ZFHX3: variants seen among roughly 807,000 people sequenced by gnomAD.
ZFHX3 encodes zinc finger homeobox protein 3.
Under a neutral mutation model 279.1 loss-of-function variants are expected in ZFHX3, and 42 were observed. The ratio of observed to expected loss-of-function variants is 0.15; its 90% CI spans 0.12 to 0.19. The LOEUF is 0.19. ZFHX3 is among the 10% of genes least tolerant of loss of function. The probability of loss-of-function intolerance (pLI) is 1.00; values close to 1 mark genes in which losing one functional copy is unlikely to be tolerated. For missense variants in ZFHX3, 4,981 were observed against 4,754.0 expected, an observed-to-expected ratio of 1.05 and a Z score of -1.40; for synonymous variants, 2,293 against 1,957.8, an observed-to-expected ratio of 1.17 and a Z score of -4.52.
intron 7 of ZFHX3, among the ~76,000 whole-genome samples, chr16:73,101,592 G>A (rs1054295810): frequency 6.6e-6 from 1 of 151,822 alleles, no homozygotes; most frequent in Non-Finnish European, 1.5e-5. Flanking sequence ...AGTAGAGGTG[G>A]GGTTTCACCA....
chr16:73,447,220 G>A (rs1231063042), intron 3 of ZFHX3, among the ~76,000 whole-genome samples: 1 of 150,880 alleles, frequency 6.6e-6, no homozygotes. Flanking sequence ...AAACCTCTCT[G>A]CTCCAACATC....
chr16:73,127,488 G>T (rs1246536349), intron 7 of ZFHX3: 2 of 1,305,326 alleles, frequency 1.5e-6, no homozygotes, highest in Admixed American at 2.3e-5. Flanking sequence ...CAAGATCACT[G>T]GTCCCTGGTG....
chr16:73,349,035 A>G (rs2016173669), intron 3 of ZFHX3, among the ~76,000 whole-genome samples: 1 of 152,200 alleles, frequency 6.6e-6, no homozygotes, highest in South Asian at 2.1e-4. Flanking sequence ...TGTGTGTCTC[A>G]GCCTTCTTTT....
chr16:73,465,890 G>A (rs1047775990), intron 2 of ZFHX3, among the ~76,000 whole-genome samples: 1 of 152,146 alleles, frequency 6.6e-6, no homozygotes, highest in African/African-American at 2.4e-5. Context: ...CTAGGAGGCC[G>A]TGACAGTAAG....
chr16:73,083,093 C>T (rs752160375), intron 8 of ZFHX3, among the ~76,000 whole-genome samples: 2 of 151,428 alleles, frequency 1.3e-5, no homozygotes, highest in Non-Finnish European at 2.9e-5. Context: ...ATCCCAGCTA[C>T]TTGGGAGGCT....
intron 5 of ZFHX3, among the ~76,000 whole-genome samples, chr16:73,202,356 A>C (rs1187459875): frequency 6.6e-6 from 1 of 152,234 alleles, no homozygotes; most frequent in Non-Finnish European, 1.5e-5. Context: ...AAAATAGAAT[A>C]CCAATCAAAA....
chr16:73,374,869 G>C (rs576303848), intron 3 of ZFHX3, among the ~76,000 whole-genome samples: 3 of 152,326 alleles, frequency 2.0e-5, no homozygotes, highest in African/African-American at 7.2e-5. Context: ...TTGGTGATTA[G>C]ATCCAATGGC....
chr16:73,442,009 G>GAGT (rs1567485286), intron 3 of ZFHX3, among the ~76,000 whole-genome samples: 1 of 152,128 alleles, frequency 6.6e-6, no homozygotes, highest in African/African-American at 2.4e-5. Context: ...ACTCTTAACA[G>GAGT]GACTCCAGGT....
intron 5 of ZFHX3, among the ~76,000 whole-genome samples, chr16:73,189,420 G>A: frequency 6.6e-6 from 1 of 152,162 alleles, no homozygotes; most frequent in East Asian, 1.9e-4. Context: ...GCCTGACATA[G>A]CAATAACAAA....
intron 1 of ZFHX3, among the ~76,000 whole-genome samples, chr16:73,844,907 A>T (rs1203077015): frequency 6.6e-6 from 1 of 151,932 alleles, no homozygotes; most frequent in Admixed American, 6.6e-5. Context: ...TGAATAGATG[A>T]TAGATAGCCC....
intron 4 of ZFHX3, among the ~76,000 whole-genome samples, chr16:72,872,999 C>G (rs1479785522): frequency 6.6e-6 from 1 of 152,168 alleles, no homozygotes; most frequent in Non-Finnish European, 1.5e-5. Flanking sequence ...ACTGATTTAT[C>G]TTTCCAGTTT....
At chr16:73,528,338 G>A (rs939265400) in intron 2 of ZFHX3, among the ~76,000 whole-genome samples, 29 of 152,292 alleles carry the variant, frequency 1.9e-4, no homozygotes, top group African/African-American at 7.0e-4. Context: ...AGCAGTACTA[G>A]CCAACAAATT....
At chr16:72,881,489 C>T (rs77399417) in intron 4 of ZFHX3, among the ~76,000 whole-genome samples, 2,613 of 152,266 alleles carry the variant, frequency 0.017, 78 homozygotes, top group African/African-American at 0.059. Context: ...TATTTCTGTA[C>T]GCAGAGAGAT....
At chr16:73,807,256 C>T (rs1213725201) in intron 1 of ZFHX3, among the ~76,000 whole-genome samples, 2 of 152,262 alleles carry the variant, frequency 1.3e-5, no homozygotes, top group East Asian at 1.9e-4. Flanking sequence ...GTTCTGCCCA[C>T]GTGTGACACA....
At chr16:73,702,203 G>A (rs2053255209) in intron 1 of ZFHX3, among the ~76,000 whole-genome samples, 1 of 152,044 alleles carries the variant, frequency 6.6e-6, no homozygotes, top group Non-Finnish European at 1.5e-5. Context: ...GGAGAATTTG[G>A]GTGGCAAAAG....
At chr16:73,657,961 G>A (rs1014635220) in intron 2 of ZFHX3, among the ~76,000 whole-genome samples, 3 of 152,180 alleles carry the variant, frequency 2.0e-5, no homozygotes, top group Admixed American at 6.5e-5. Flanking sequence ...GGTATATGTT[G>A]ACGAATGGAA....
At chr16:73,239,904 C>G (rs1567427143) in intron 5 of ZFHX3, among the ~76,000 whole-genome samples, 1 of 152,176 alleles carries the variant, frequency 6.6e-6, no homozygotes, top group African/African-American at 2.4e-5. Flanking sequence ...AACCATCGCT[C>G]CTAGGGGAAA....
intron 3 of ZFHX3, among the ~76,000 whole-genome samples, chr16:73,435,575 G>A (rs2017983350): frequency 6.6e-6 from 1 of 152,132 alleles, no homozygotes; most frequent in African/African-American, 2.4e-5. Context: ...GATGCCATTA[G>A]CACTTCTCTC....
chr16:73,154,430 C>A (rs77479923), intron 5 of ZFHX3, among the ~76,000 whole-genome samples: 2,700 of 152,282 alleles, frequency 0.018, 74 homozygotes, highest in African/African-American at 0.061. Flanking sequence ...GACAGTCACT[C>A]CCTGTCTGCA....
Sources: gnomAD v4.1 joint callset for allele counts (sites outside exome capture counted in the v4.1 genomes callset) on GRCh38, gnomAD v4.1.1 for gene constraint, MANE v1.5 for transcripts, NCBI Gene and HGNC (gene_info 2026-07-23, HGNC 2026-07-21) for gene names.